Variants in SVEP1 observed in about 807,000 individuals in gnomAD.
The protein encoded by SVEP1 is sushi, von Willebrand factor type A, EGF and pentraxin domain containing 1.
Under a neutral mutation model 367.3 loss-of-function variants are expected in SVEP1, and 164 were observed. The ratio of observed to expected loss-of-function variants is 0.45; its 90% CI spans 0.39 to 0.51. The LOEUF (loss-of-function observed/expected upper bound fraction) is 0.51, where lower values mean the gene tolerates loss of function less well. Among genes scored for constraint, SVEP1 ranks in the 20% least tolerant of loss-of-function variants. The pLI, the probability that SVEP1 is intolerant of heterozygous loss-of-function variation, is 0.00. For synonymous variants in SVEP1, 1,666 were observed against 1,611.6 expected, an observed-to-expected ratio of 1.03 and a Z score of -0.81; for missense variants, 4,117 against 4,425.3, an observed-to-expected ratio of 0.93 and a Z score of 1.98.
Position 110,579,075 on chromosome 9 carries a change from T to C in SVEP1, c.469A>G (p.Ile157Val). ...CCACCTCGGTAGGAGATGGCAGGGA[T>C]CTCTTGGAGGAGCAGCGCGCACTTG... ...QHKCALLLQEIPAISYRGGGT... is the reference protein window; with the variant it reads ...QHKCALLLQEVPAISYRGGGT... The change falls in exon 1 of 48, where the codon ATC becomes GTC. Residue 157 changes from isoleucine to valine, a missense_variant. Physicochemically the swap from Ile to Val is conservative, Grantham distance 29. This residue lies in a region of SVEP1 where 2,174 missense variants were observed against 2,494.3 expected (regional missense o/e 0.87). Coordinates refer to ENST00000374469, the MANE Select transcript of SVEP1 (RefSeq NM_153366.4). This position sits in a 1 kb window ranked among gnomAD's most constrained non-coding sequence, Gnocchi z 5.3. The C allele has an allele frequency of 6.4e-7, 1 of 1,550,716 alleles. No individual in the cohort carries two copies. The highest frequency in any genetic ancestry group is 8.7e-7 in the Non-Finnish European group (1 of 1,147,300).
chr9:110,558,322 C>A (rs1167010862), intron 1 of SVEP1, among the ~76,000 whole-genome samples: 4 of 124,596 alleles, frequency 3.2e-5, no homozygotes, highest in East Asian at 2.4e-4. Flanking sequence ...CATGGAGAAA[C>A]CCTGTCTCTA....
intron 1 of SVEP1, among the ~76,000 whole-genome samples, chr9:110,567,739 T>C (rs1215573934): frequency 6.6e-6 from 1 of 152,180 alleles, no homozygotes; most frequent in Admixed American, 6.5e-5. Flanking sequence ...CAAAAGTTGA[T>C]AGTGCAGGCT....
chr9:110,396,590 A>G (rs1207961166), intron 40 of SVEP1, among the ~76,000 whole-genome samples: 1 of 110,128 alleles, frequency 9.1e-6, no homozygotes, highest in African/African-American at 3.9e-5. Context: ...AACAAAATTG[A>G]TAGACCGCTA....
chr9:110,431,802 T>C, intron 32 of SVEP1, 113 bp downstream of exon 32: 3 of 1,356,762 alleles, frequency 2.2e-6, no homozygotes, highest in Non-Finnish European at 1.0e-6. Flanking sequence ...TGCCTACCTG[T>C]ATGCCCTTTG....
In SVEP1 at chr9:110,445,878, A is replaced by T; in HGVS notation, c.4422T>A (p.Asp1474Glu). The T allele has an allele frequency of 6.2e-7, 1 of 1,613,964 alleles. No homozygotes were observed. Among genetic ancestry groups the T allele is most frequent in the East Asian group, 2.2e-5 (1 of 44,878 alleles). Residue 1474 changes from aspartate to glutamate, a missense_variant, in exon 26 of 48, where the codon GAT (aspartate) becomes GAA (glutamate). Around this residue, in one of 4 missense-constraint regions of SVEP1, gnomAD observed 2,174 missense variants for 2,494.3 expected, o/e 0.87. Coordinates refer to ENST00000374469, the MANE Select transcript of SVEP1 (RefSeq NM_153366.4). ...GGAGCAAGGTATTGTCGCTGCCGTT[A>T]TCAACTGCATAGGAGATTGGTGTTC... is the stretch of plus-strand genomic sequence containing the variant. ...NYGTPISYAV[D>E]NGSDNTLLLT...
chr9:110,379,188 C>G (rs1481471020), intron 44 of SVEP1, among the ~76,000 whole-genome samples, 159 bp downstream of exon 44: 1 of 152,094 alleles, frequency 6.6e-6, no homozygotes, highest in Non-Finnish European at 1.5e-5. Context: ...TTTTAAAACT[C>G]AAACCATAAC....
At chr9:110,538,425 T>C (rs901328815) in intron 3 of SVEP1, among the ~76,000 whole-genome samples, 3 of 152,024 alleles carry the variant, frequency 2.0e-5, no homozygotes, top group Non-Finnish European at 4.4e-5. Context: ...TTTCCAAATG[T>C]TTTGGTTTTC....
chr9:110,381,129 T>C (rs1279560272), intron 43 of SVEP1, among the ~76,000 whole-genome samples: 1 of 152,156 alleles, frequency 6.6e-6, no homozygotes, highest in Admixed American at 6.5e-5. Context: ...TAGTGGTCTA[T>C]TTTATTACTT....
Position 110,366,295 on chromosome 9 carries a change from C to T in SVEP1, c.*244G>A. The stretch of plus-strand genomic sequence containing the variant: ...TGTACATTTTGTGAGGGTAGAGCAG[C>T]ATCTATTTAATATAATTTTTATATA... On this transcript the variant is annotated 3_prime_UTR_variant, in exon 48 of 48. Coordinates refer to ENST00000374469, the MANE Select transcript of SVEP1 (RefSeq NM_153366.4). 2.6e-6 allele frequency: 1 copy of T among 384,060 alleles called. No individual in the cohort carries two copies. The highest frequency in any genetic ancestry group is 4.6e-6 in the Non-Finnish European group (1 of 218,736). The allele number at this position is 384,060 out of a possible 1,614,324, so 23.8% of individuals were successfully genotyped here.
Position 110,406,716 on chromosome 9 carries a change from C to T in SVEP1, c.8884G>A (p.Gly2962Ser). The stretch of plus-strand genomic sequence containing the variant: ...TGGCCCCCATGAATAAAGGAAAAAC[C>T]ATTAGGGAAACCATGGGCAAGATCT... ...PEDLAHGFPNGFSFIHGGHIQ... is the reference protein window; with the variant it reads ...PEDLAHGFPNSFSFIHGGHIQ... Residue 2962 changes from glycine to serine, a missense_variant, in exon 38 of 48, where the codon GGT (glycine) becomes AGT (serine). Gly to Ser is a moderately conservative substitution (Grantham distance 56). Around this residue, in one of 4 missense-constraint regions of SVEP1, gnomAD observed 1,765 missense variants for 1,781.1 expected, o/e 0.99. Transcript: ENST00000374469. The T allele has an allele frequency of 6.2e-7, 1 of 1,613,962 alleles. No individual in the cohort carries two copies. The highest frequency in any genetic ancestry group is 2.2e-5 in the East Asian group (1 of 44,874).
chr9:110,457,388 G>A, intron 20 of SVEP1, 36 bp from the exon 21 acceptor site: 1 of 1,497,974 alleles, frequency 6.7e-7, no homozygotes, highest in South Asian at 1.2e-5. Flanking sequence ...CAGAGACAAA[G>A]CACTCTATTT....
At chr9:110,528,450 C>T (rs897920650) in intron 3 of SVEP1, among the ~76,000 whole-genome samples, 5 of 151,648 alleles carry the variant, frequency 3.3e-5, no homozygotes, top group African/African-American at 1.2e-4. Flanking sequence ...TCCTTTTCAC[C>T]ATATCCGTGC....
At chr9:110,495,212 T>TC (rs1829427448) in intron 8 of SVEP1, among the ~76,000 whole-genome samples, 1 of 152,086 alleles carries the variant, frequency 6.6e-6, no homozygotes. Flanking sequence ...TTCAAGTTCT[T>TC]CCCCCATGTA....
chr9:110,465,823 T>C (rs778394043), intron 18 of SVEP1, 42 bp downstream of exon 18: 4 of 1,591,606 alleles, frequency 2.5e-6, no homozygotes, highest in Non-Finnish European at 2.6e-6. Flanking sequence ...GCATAGAACC[T>C]AGTAGGTTTA....
intron 18 of SVEP1, among the ~76,000 whole-genome samples, chr9:110,462,325 T>C (rs933709460): frequency 2.0e-5 from 3 of 152,094 alleles, no homozygotes; most frequent in African/African-American, 7.2e-5. Context: ...TCTATACTTT[T>C]TAGCATAGAA....
At chr9:110,562,084 G>C (rs1830438804) in intron 1 of SVEP1, among the ~76,000 whole-genome samples, 1 of 152,058 alleles carries the variant, frequency 6.6e-6, no homozygotes, top group Non-Finnish European at 1.5e-5. Context: ...ACATCAAATT[G>C]GGAAATGGTA....
rs767621706 is a variant in SVEP1 at position 110,458,965 on chromosome 9, G to C, written c.3471C>G (p.Ile1157Met). ...AGTTCATCTTACTTGAACATTCTGT[G>C]ATGGATCTGGAACCAGCGAATGGGG... ...GTTPFAGSRSITECSSFSSTF... is the reference protein window; with the variant it reads ...GTTPFAGSRSMTECSSFSSTF... Residue 1157 changes from isoleucine (I) to methionine (M), a missense_variant, in exon 19 of 48, where the codon ATC becomes ATG. Coordinates refer to ENST00000374469, the MANE Select transcript of SVEP1 (RefSeq NM_153366.4). 31 of 1,612,902 alleles carry C rather than the reference G, an allele frequency of 1.9e-5. No homozygotes were observed. In the Admixed American group the frequency reaches 4.8e-4, roughly 25 times the overall value.
intron 20 of SVEP1, chr9:110,458,084 A>C (rs374088092): frequency 2.6e-5 from 12 of 466,476 alleles, no homozygotes; most frequent in South Asian, 1.9e-4. Flanking sequence ...TGGCAAAGAA[A>C]TTTAAATAAT....
At chr9:110,565,356 T>C (rs1588111062) in intron 1 of SVEP1, among the ~76,000 whole-genome samples, 1 of 152,162 alleles carries the variant, frequency 6.6e-6, no homozygotes, top group Non-Finnish European at 1.5e-5. Flanking sequence ...AAAAGAAAAT[T>C]TGATTTTTGC....
Sources: allele counts gnomAD v4.1 joint callset (sites outside exome capture counted in the v4.1 genomes callset), GRCh38; gene constraint gnomAD v4.1.1; regional missense constraint gnomAD v4.1.1; non-coding constraint Gnocchi (gnomAD v3.1); transcripts MANE v1.5; gene names NCBI Gene and HGNC (gene_info 2026-07-23, HGNC 2026-07-21).